Variants in UBASH3A observed in about 807,000 individuals in gnomAD.
UBASH3A encodes ubiquitin-associated and SH3 domain-containing protein A.
UBASH3A carries 63 observed loss-of-function variants against 73.5 expected under a neutral mutation model. That is an observed-to-expected ratio of 0.86 (90% CI 0.70 to 1.06). UBASH3A has a LOEUF of 1.06. Ranked by LOEUF, UBASH3A falls within the 50% of genes least tolerant of loss-of-function variation. The pLI, the probability that UBASH3A is intolerant of heterozygous loss-of-function variation, is 0.00. For synonymous variants in UBASH3A, 363 were observed against 351.1 expected (o/e 1.03, Z -0.38); for missense variants, 860 against 859.0 (o/e 1.00, Z -0.02).
chr21:42,441,788 A>G (rs1268867536), intron 11 of UBASH3A, among the ~76,000 whole-genome samples: 2 of 152,180 alleles, frequency 1.3e-5, no homozygotes, highest in African/African-American at 4.8e-5. Context: ...CCTAAAACAC[A>G]TTTGAGGAAC....
intron 10 of UBASH3A, chr21:42,435,608 A>T (rs1009110888): frequency 6.6e-6 from 1 of 152,282 alleles, no homozygotes; most frequent in Non-Finnish European, 1.5e-5. Flanking sequence ...TCATGGAGTT[A>T]TAGAGTTAGT....
At position 42,413,224 on chromosome 21, in the gene UBASH3A, TG is replaced by T; in HGVS notation, c.553+5del. 1 of 1,614,164 alleles carries T rather than the reference TG, an allele frequency of 6.2e-7. No homozygotes were observed. The highest frequency in any genetic ancestry group is 2.2e-5 in the East Asian group (1 of 44,890). On this transcript the variant is annotated splice_donor_region_variant and intron_variant, in intron 4 of 14. Coordinates refer to ENST00000319294, the MANE Select transcript of UBASH3A (RefSeq NM_018961.4). The surrounding 1 kb of genome is among the most constrained non-coding windows in gnomAD (Gnocchi z 4.5). Reference sequence around the variant, plus strand: ...CCACGGAAGCATCTCTCTTAGCAGGTGGGCAGCCCTGGCCAGTTGCAAACAC... The same window carrying T: ...CCACGGAAGCATCTCTCTTAGCAGGTGGCAGCCCTGGCCAGTTGCAAACAC...
At chr21:42,422,258 C>T (rs888310481) in intron 7 of UBASH3A, among the ~76,000 whole-genome samples, 2 of 152,144 alleles carry the variant, frequency 1.3e-5, no homozygotes. Context: ...AAAATGCAGC[C>T]GTAGTCACAC....
At chr21:42,431,894 G>A (rs2053538074) in intron 8 of UBASH3A, among the ~76,000 whole-genome samples, 1 of 152,206 alleles carries the variant, frequency 6.6e-6, no homozygotes, top group South Asian at 2.1e-4. Flanking sequence ...AGAATGCCCA[G>A]AAAATAAAAC....
At position 42,432,191 on chromosome 21, in the gene UBASH3A, C is replaced by G. The variant is rs144917206; in HGVS notation, c.1259C>G (p.Ser420Cys). The part of the protein sequence containing the change: ...IFGKAWLQQC[S>C]TPDGKYYRPD... The stretch of plus-strand genomic sequence containing the variant: ...GGGAAGGCATGGCTGCAGCAATGCT[C>G]CACTCCTGATGGTAGGTCACACTCA... Residue 420 changes from serine (S) to cysteine (C), a missense_variant, in exon 9 of 15, where the codon TCC becomes TGC. Coordinates refer to ENST00000319294, the MANE Select transcript of UBASH3A (RefSeq NM_018961.4). 6.2e-7 allele frequency: 1 copy of G among 1,610,936 alleles called. No individual in the cohort carries two copies. Among genetic ancestry groups the G allele is most frequent in the Non-Finnish European group, 8.5e-7 (1 of 1,177,810 alleles).
chr21:42,439,775 A>G (rs370600289), intron 11 of UBASH3A, among the ~76,000 whole-genome samples: 2,209 of 134,280 alleles, frequency 0.016, 72 homozygotes, highest in African/African-American at 0.058. Flanking sequence ...CACTACACAT[A>G]CACACCACAC....
chr21:42,442,713 G>T, intron 12 of UBASH3A, 117 bp downstream of exon 12: 1 of 1,139,058 alleles, frequency 8.8e-7, no homozygotes, highest in Non-Finnish European at 1.2e-6. Context: ...CACTGCAGTG[G>T]GGTTTTGCAG....
intron 10 of UBASH3A, 71 bp downstream of exon 10, chr21:42,435,025 AG>A: frequency 1.9e-6 from 3 of 1,569,718 alleles, no homozygotes; most frequent in Non-Finnish European, 2.6e-6. Flanking sequence ...GCAGGCATCC[AG>A]CCTGAGCCCT....
intron 6 of UBASH3A, chr21:42,417,736 A>T (rs1401566081): frequency 6.6e-6 from 1 of 152,052 alleles, no homozygotes; most frequent in Non-Finnish European, 1.5e-5. Context: ...TCTGTATCGT[A>T]TGAGGTGTCA....
At chr21:42,410,223 T>C in intron 3 of UBASH3A, 1 of 698,480 alleles carries the variant, frequency 1.4e-6, no homozygotes. Flanking sequence ...ACAAGAAGAA[T>C]GTGGGAGCTG....
intron 8 of UBASH3A, among the ~76,000 whole-genome samples, chr21:42,430,256 G>A (rs551649326): frequency 6.6e-6 from 1 of 152,328 alleles, no homozygotes; most frequent in African/African-American, 2.4e-5. Context: ...GTTCACAGAA[G>A]AAAGTCCAGA....
At chr21:42,411,027 T>C (rs947831596) in intron 3 of UBASH3A, among the ~76,000 whole-genome samples, 2 of 128,570 alleles carry the variant, frequency 1.6e-5, no homozygotes, top group Non-Finnish European at 3.2e-5. Context: ...CACACAGACA[T>C]GGAGACGTAC....
chr21:42,443,829 C>T (rs2065330), intron 13 of UBASH3A, among the ~76,000 whole-genome samples: 76,935 of 149,196 alleles, frequency 0.52, 19,865 homozygotes, highest in Non-Finnish European at 0.58. Context: ...CGCCCAGGCC[C>T]TGGAACCCCC....
chr21:42,411,342 GACACACACAGAC>G (rs1475475120), intron 3 of UBASH3A, among the ~76,000 whole-genome samples: 1 of 150,740 alleles, frequency 6.6e-6, no homozygotes, highest in African/African-American at 2.4e-5. Context: ...CATGCACATA[GACACACACAGAC>G]ACACACAGAG....
At chr21:42,417,891 T>C (rs939331635) in intron 6 of UBASH3A, among the ~76,000 whole-genome samples, 2 of 142,420 alleles carry the variant, frequency 1.4e-5, no homozygotes, top group African/African-American at 2.6e-5. Context: ...TTTTTTTTTT[T>C]TTTTTTTTTG....
chr21:42,414,958 C>A (rs1274181956), intron 5 of UBASH3A, among the ~76,000 whole-genome samples: 1 of 152,204 alleles, frequency 6.6e-6, no homozygotes, highest in African/African-American at 2.4e-5. Context: ...GCGTTGACCT[C>A]ACATCTACGC....
At chr21:42,410,100 C>A in intron 3 of UBASH3A, 1 of 702,468 alleles carries the variant, frequency 1.4e-6, no homozygotes, top group East Asian at 2.7e-5. Context: ...AAATGCAGAA[C>A]TTTTCCCTGT....
In UBASH3A at chr21:42,447,096, G is replaced by A. The variant is rs2053856424; in HGVS notation, c.1888G>A (p.Glu630Lys). The A allele has an allele frequency of 1.2e-6, 2 of 1,614,160 alleles. No homozygotes were observed. Among genetic ancestry groups the A allele is most frequent in the Non-Finnish European group, 1.7e-6 (2 of 1,179,990 alleles). The stretch of plus-strand genomic sequence containing the variant: ...CATGTGCTTCTGTGAAGAAAATAAA[G>A]AGGAAGGAAAATGGGAGTTGGTGAA... ...LGMCFCEENKEEGKWELVNPP... is the reference protein window; with the variant it reads ...LGMCFCEENKKEGKWELVNPP... Residue 630 changes from glutamate to lysine, a missense_variant, in exon 15 of 15, where the codon GAG becomes AAG. Physicochemically the swap from Glu to Lys is moderately conservative, Grantham distance 56. Coordinates refer to ENST00000319294, the MANE Select transcript of UBASH3A (RefSeq NM_018961.4).
chr21:42,440,398 G>C (rs17767314), intron 11 of UBASH3A, among the ~76,000 whole-genome samples: 15,069 of 152,234 alleles, frequency 0.099, 817 homozygotes, highest in East Asian at 0.19. Context: ...GGTTGTTTAG[G>C]ATCAATGTAT....
Sources: gnomAD v4.1 joint callset for allele counts (sites outside exome capture counted in the v4.1 genomes callset) on GRCh38, gnomAD v4.1.1 for gene constraint, Gnocchi (gnomAD v3.1) non-coding constraint, MANE v1.5 for transcripts, NCBI Gene and HGNC (gene_info 2026-07-23, HGNC 2026-07-21) for gene names.